The following NDRG2 variants were observed in gnomAD, a reference collection of about 807,000 sequenced individuals.
NDRG2 encodes the protein NDRG family member 2.
A neutral mutation model predicts 58.2 loss-of-function variants in NDRG2; 34 were observed. That is an observed-to-expected ratio of 0.58 (90% CI 0.44 to 0.78). The LOEUF is 0.78. NDRG2 is among the 30% of genes least tolerant of loss of function. The pLI, the probability that NDRG2 is intolerant of heterozygous loss-of-function variation, is 0.00. For missense variants in NDRG2, 434 were observed against 471.2 expected (o/e 0.92, Z 0.73); for synonymous variants, 187 against 175.9 (o/e 1.06, Z -0.50).
chr14:21,018,540 G>T lies in NDRG2; in HGVS notation c.814-36C>A, dbSNP rs375907392. ...CAGGAGGCTGAATGAATGAGGTCAC[G>T]CCCACTGTGGCGCCTCCCCCGTAAG... is the stretch of plus-strand genomic sequence containing the variant. On this transcript the variant is annotated intron_variant, in intron 12 of 15. Transcript: ENST00000556147. 9.3e-6 allele frequency: 15 copies of T among 1,608,770 alleles called. No individual in the cohort carries two copies. The South Asian group carries it at 1.6e-4, about 17-fold the overall frequency.
chr14:21,042,188 A>G (rs28403305), intron 1 of NDRG2: 19 of 152,376 alleles, frequency 1.2e-4, no homozygotes, highest in African/African-American at 4.6e-4. Context: ...TCATTGCTGA[A>G]CATGTTTAGG....
At chr14:21,033,063 G>A (rs933438610) in intron 1 of NDRG2, 1 of 449,790 alleles carries the variant, frequency 2.2e-6, no homozygotes, top group African/African-American at 2.0e-5. Context: ...AGGGAAGCAG[G>A]AACCTCTGGG....
chr14:21,067,980 C>CCT (rs1886362693), intron 1 of NDRG2, among the ~76,000 whole-genome samples: 1 of 22,262 alleles, frequency 4.5e-5, no homozygotes, highest in East Asian at 8.4e-4. Flanking sequence ...AGTGGCTCCC[C>CCT]TTTTTTTTTT....
intron 1 of NDRG2, among the ~76,000 whole-genome samples, chr14:21,060,376 C>T (rs1885894522): frequency 6.6e-6 from 1 of 152,164 alleles, no homozygotes; most frequent in Admixed American, 6.5e-5. Flanking sequence ...TGCTTATAAC[C>T]AGGGAAGACA....
upstream of NDRG2, chr14:21,030,834 C>T (rs990598182): frequency 5.8e-6 from 9 of 1,546,114 alleles, no homozygotes; most frequent in African/African-American, 8.2e-5. Context: ...CGTGGTGGAA[C>T]ATTTGCAGTG....
intron 7 of NDRG2, 79 bp from the exon 8 acceptor site, chr14:21,020,661 GA>G (rs1879662983): frequency 1.9e-6 from 3 of 1,574,898 alleles, no homozygotes; most frequent in African/African-American, 2.7e-5. Context: ...CCCACTCCTG[GA>G]CTCCCACAGG....
intron 4 of NDRG2, 43 bp downstream of exon 4, chr14:21,022,349 G>GCCTCTTC (rs1349599162): frequency 6.3e-7 from 1 of 1,584,632 alleles, no homozygotes; most frequent in Non-Finnish European, 8.7e-7. Flanking sequence ...TTCCCCCACA[G>GCCTCTTC]CCTCTTCCCA....
chr14:21,061,938 A>G (rs936911919), intron 1 of NDRG2, among the ~76,000 whole-genome samples: 3 of 152,362 alleles, frequency 2.0e-5, no homozygotes, highest in East Asian at 3.9e-4. Flanking sequence ...CAAATGCCCA[A>G]ATTACTTTAT....
At chr14:21,019,050 T>TAGAAG in intron 11 of NDRG2, 66 bp downstream of exon 11, 2 of 1,504,066 alleles carry the variant, frequency 1.3e-6, no homozygotes, top group Non-Finnish European at 1.8e-6. Context: ...CTCCTTCTTC[T>TAGAAG]AAGGGACACA....
In NDRG2 at chr14:21,021,075, G is replaced by A. The variant is rs1297135753; in HGVS notation, c.408-231C>T. ...TCCCCAGCTTTCTGCTGGAGAGCTA[G>A]TGTCTTAAAAACAAACACCCATCCA... On this transcript the variant is annotated intron_variant, in intron 6 of 15. Transcript: ENST00000556147. 3 of 659,890 alleles carry A rather than the reference G, an allele frequency of 4.5e-6. No homozygotes were observed. In the African/African-American group the frequency reaches 5.3e-5, roughly 12 times the overall value. 40.9% of individuals were successfully genotyped at this position (659,890 alleles called of 1,614,324 possible).
At chr14:21,020,293 CAAA>C (rs11325826) in intron 8 of NDRG2, 200 bp downstream of exon 8, 6,412 of 383,686 alleles carry the variant, frequency 0.017, no homozygotes, top group Middle Eastern at 0.022. Context: ...GACACCATCT[CAAA>C]AAAAAAAAAA....
chr14:21,055,239 A>C (rs1252054146), intron 1 of NDRG2, among the ~76,000 whole-genome samples: 1 of 152,240 alleles, frequency 6.6e-6, no homozygotes, highest in East Asian at 1.9e-4. Context: ...AATTCCTACA[A>C]AATTAGAAAA....
At chr14:21,023,751 TGAGAG>T in intron 1 of NDRG2, 2 of 170,052 alleles carry the variant, frequency 1.2e-5, no homozygotes, top group South Asian at 1.7e-4. Context: ...GACGGGACTG[TGAGAG>T]TTCACAATTG....
chr14:21,034,397 T>A (rs1400470760), intron 1 of NDRG2: 3 of 785,248 alleles, frequency 3.8e-6, no homozygotes, highest in Middle Eastern at 3.9e-4. Flanking sequence ...ACTTTAGAGA[T>A]CATCTCACCC....
chr14:21,026,069 C>T (rs796832986), upstream of NDRG2, among the ~76,000 whole-genome samples: 5 of 151,862 alleles, frequency 3.3e-5, no homozygotes, highest in South Asian at 8.3e-4. Context: ...TCGCAATGCC[C>T]GGGGGATGGT....
chr14:21,058,145 C>G, intron 1 of NDRG2: 1 of 1,614,192 alleles, frequency 6.2e-7, no homozygotes, highest in Non-Finnish European at 8.5e-7. Context: ...CTGCCAGACC[C>G]CCAACATAGC....
Position 21,020,835 on chromosome 14 carries a change from T to C in NDRG2, c.417A>G (p.Thr139=). Residue 139 remains threonine (T), a synonymous_variant, in exon 7 of 16, where the codon ACA becomes ACG. Coordinates refer to ENST00000556147, the MANE Select transcript of NDRG2 (RefSeq NM_001320329.2). The stretch of plus-strand genomic sequence containing the variant: ...CAGCTCCAACACCAACTCCAATTAT[T>C]GTAGAGAAACTGTGAAAGGGAAAGA... ...PCVLQYLNFS[T]IIGVGVGAGA... 3 of 1,613,388 alleles carry C rather than the reference T, an allele frequency of 1.9e-6. No homozygotes were observed. Among genetic ancestry groups the C allele is most frequent in the South Asian group, 1.1e-5 (1 of 90,934 alleles).
chr14:21,056,972 C>T (rs1024726856), intron 1 of NDRG2, among the ~76,000 whole-genome samples: 2 of 152,124 alleles, frequency 1.3e-5, no homozygotes, highest in Non-Finnish European at 2.9e-5. Context: ...GCTGGAGCTG[C>T]GATCCCTTCA....
At chr14:21,069,701 G>T (rs956076889) in intron 1 of NDRG2, among the ~76,000 whole-genome samples, 1 of 152,250 alleles carries the variant, frequency 6.6e-6, no homozygotes, top group Admixed American at 6.5e-5. Flanking sequence ...GAGATGGAGG[G>T]AAAGGAGGGC....
Sources: gnomAD v4.1 joint callset for allele counts (sites outside exome capture counted in the v4.1 genomes callset) on GRCh38, gnomAD v4.1.1 for gene constraint, MANE v1.5 for transcripts, NCBI Gene and HGNC (gene_info 2026-07-23, HGNC 2026-07-21) for gene names.